Variants in NHLRC2 observed in about 807,000 individuals in gnomAD.
The protein encoded by NHLRC2 is NHL repeat containing 2.
Under a neutral mutation model 68.1 loss-of-function variants are expected in NHLRC2, and 33 were observed. The ratio of observed to expected loss-of-function variants is 0.48; its 90% CI spans 0.37 to 0.65. NHLRC2 has a LOEUF of 0.65. Ranked by LOEUF, NHLRC2 falls within the 30% of genes least tolerant of loss-of-function variation. The pLI is 0.00. For missense variants in NHLRC2, 761 were observed against 853.8 expected (o/e 0.89, Z 1.35); for synonymous variants, 311 against 309.6 (o/e 1.00, Z -0.05).
chr10:113,868,895 C>T (rs954539093), intron 2 of NHLRC2, among the ~76,000 whole-genome samples: 15 of 152,066 alleles, frequency 9.9e-5, no homozygotes, highest in Non-Finnish European at 1.8e-4. Flanking sequence ...TATGCCAACC[C>T]TATAAAGCAA....
intron 5 of NHLRC2, among the ~76,000 whole-genome samples, chr10:113,889,041 G>C (rs1846106746): frequency 6.6e-6 from 1 of 152,054 alleles, no homozygotes; most frequent in Admixed American, 6.6e-5. Flanking sequence ...TGGCCAGGCT[G>C]TTCTCTAACT....
At chr10:113,855,110 C>A (rs17235031) in intron 1 of NHLRC2, 60 bp downstream of exon 1, 26 of 1,419,088 alleles carry the variant, frequency 1.8e-5, no homozygotes, top group Non-Finnish European at 1.9e-5. Context: ...TCGGGGACGG[C>A]GCCCTCCCGC....
chr10:113,905,816 A>G (rs548921510), intron 10 of NHLRC2, among the ~76,000 whole-genome samples: 1 of 152,266 alleles, frequency 6.6e-6, no homozygotes, highest in Admixed American at 6.5e-5. Flanking sequence ...GCCTGCAATT[A>G]TAATATCAAC....
At chr10:113,861,695 T>A (rs1845817900) in intron 2 of NHLRC2, among the ~76,000 whole-genome samples, 1 of 152,054 alleles carries the variant, frequency 6.6e-6, no homozygotes, top group African/African-American at 2.4e-5. Context: ...AGACAATAAT[T>A]CAAAGCCAGT....
chr10:113,872,082 G>C (rs1371866024), intron 2 of NHLRC2, among the ~76,000 whole-genome samples: 1 of 152,038 alleles, frequency 6.6e-6, no homozygotes, highest in Non-Finnish European at 1.5e-5. Flanking sequence ...CTGAACACAG[G>C]TTTGGACATA....
intron 2 of NHLRC2, among the ~76,000 whole-genome samples, chr10:113,870,290 A>C (rs1845909765): frequency 1.3e-5 from 2 of 152,214 alleles, no homozygotes; most frequent in Admixed American, 6.5e-5. Flanking sequence ...AGGATGAAAC[A>C]GATATTCATT....
chr10:113,896,069 G>A (rs367762224), intron 5 of NHLRC2, among the ~76,000 whole-genome samples: 1 of 152,116 alleles, frequency 6.6e-6, no homozygotes, highest in Non-Finnish European at 1.5e-5. Context: ...CTGTTGGTGG[G>A]ACTGTAAACT....
intron 2 of NHLRC2, among the ~76,000 whole-genome samples, chr10:113,864,279 C>T (rs1469276418): frequency 1.3e-5 from 2 of 152,026 alleles, no homozygotes; most frequent in African/African-American, 2.4e-5. Flanking sequence ...TTCAGTTTTG[C>T]GAGATGAAAT....
chr10:113,902,729 C>G (rs577242045), intron 8 of NHLRC2, 136 bp downstream of exon 8: 18 of 737,736 alleles, frequency 2.4e-5, no homozygotes, highest in Admixed American at 1.2e-4. Flanking sequence ...TATAACCCAG[C>G]CTGTTCTGCT....
At chr10:113,884,571 T>A (rs1403947282) in intron 5 of NHLRC2, among the ~76,000 whole-genome samples, 191 bp downstream of exon 5, 1 of 151,208 alleles carries the variant, frequency 6.6e-6, no homozygotes, top group Non-Finnish European at 1.5e-5. Context: ...TACTAGAGTA[T>A]GTATTATATA....
At position 113,864,447 on chromosome 10, in the gene NHLRC2, C is replaced by T. The variant is rs377455688; in HGVS notation, c.331+5767C>T. On this transcript the variant is annotated intron_variant, in intron 2 of 10. Coordinates refer to ENST00000369301, the MANE Select transcript of NHLRC2 (RefSeq NM_198514.4). ...AGGCGTGGTGTCTCACGCCTATAAT[C>T]CCAGCACTTTGGGAGGCCAAGGCAG... is the stretch of plus-strand genomic sequence containing the variant. 3.6e-4 allele frequency among the ~76,000 whole-genome samples: 55 copies of T among 152,212 alleles called. 1 individual carries two copies. The highest frequency in any genetic ancestry group is 1.3e-3 in the African/African-American group (53 of 41,524).
At chr10:113,905,782 A>C (rs1846270362) in intron 10 of NHLRC2, among the ~76,000 whole-genome samples, 1 of 151,878 alleles carries the variant, frequency 6.6e-6, no homozygotes, top group Non-Finnish European at 1.5e-5. Flanking sequence ...CTTACCTTCA[A>C]CTTTCTCAGG....
At chr10:113,855,140 GT>G in intron 1 of NHLRC2, 90 bp downstream of exon 1, 1 of 1,203,140 alleles carries the variant, frequency 8.3e-7, no homozygotes. Flanking sequence ...GGCTAGGCGG[GT>G]TTGTGCCGCT....
intron 2 of NHLRC2, among the ~76,000 whole-genome samples, chr10:113,866,490 G>A (rs967674159): frequency 1.3e-5 from 2 of 152,042 alleles, no homozygotes; most frequent in Non-Finnish European, 2.9e-5. Flanking sequence ...TATTAGGAAA[G>A]CCTTGTGTAT....
chr10:113,856,236 G>A (rs1282842193), intron 1 of NHLRC2, among the ~76,000 whole-genome samples: 1 of 152,120 alleles, frequency 6.6e-6, no homozygotes, highest in Non-Finnish European at 1.5e-5. Flanking sequence ...TTGCCTGATG[G>A]TGCTGGCATG....
chr10:113,913,443 T>A lies in NHLRC2; in HGVS notation c.*4907T>A, dbSNP rs1250139592. The stretch of plus-strand genomic sequence containing the variant: ...TTGTCAAAAGATTTTATGTACTACT[T>A]TTTCTTAATTTCAGATATTATCCAG... On this transcript the variant is annotated 3_prime_UTR_variant, in exon 11 of 11. Transcript: ENST00000369301. 1 of 152,218 alleles carries A rather than the reference T, an allele frequency of 6.6e-6. No homozygotes were observed. The highest frequency in any genetic ancestry group is 1.5e-5 in the Non-Finnish European group (1 of 68,038). The allele number at this position is 152,218 out of a possible 1,614,324, so 9.4% of individuals were successfully genotyped here. A position where few individuals can be genotyped will look rare whatever the true frequency, so the allele number is the denominator to read the frequency against.
chr10:113,883,900 T>C (rs572423317), intron 4 of NHLRC2, among the ~76,000 whole-genome samples: 2 of 152,074 alleles, frequency 1.3e-5, no homozygotes, highest in South Asian at 2.1e-4. Context: ...AACTGAAATA[T>C]GTGCATTTAA....
rs753177664 is a variant in NHLRC2 at position 113,904,982 on chromosome 10, T to C, written c.1870T>C (p.Ser624Pro). The C allele has an allele frequency of 1.9e-6, 3 of 1,555,586 alleles. No homozygotes were observed. Among genetic ancestry groups the C allele is most frequent in the Non-Finnish European group, 1.7e-6 (2 of 1,155,544 alleles). Residue 624 changes from serine (S) to proline (P), a missense_variant, in exon 10 of 11, where the codon TCA (serine) becomes CCA (proline). By Grantham distance (74) the Ser-to-Pro change is moderately conservative (BLOSUM62 -1). Transcript: ENST00000369301. ...GTTCAAACTCAGATTAGACCTCCCA[T>C]CAGGATCAAAGCTAACTGAAGGAGT... is the stretch of plus-strand genomic sequence containing the variant. ...LQFKLRLDLP[S>P]GSKLTEGVSS...
At chr10:113,890,232 C>A (rs1040141138) in intron 5 of NHLRC2, among the ~76,000 whole-genome samples, 2 of 152,160 alleles carry the variant, frequency 1.3e-5, no homozygotes, top group Admixed American at 6.5e-5. Flanking sequence ...TTATTCTGGT[C>A]TGAAAAAGTA....
Sources: gnomAD v4.1 joint callset for allele counts (sites outside exome capture counted in the v4.1 genomes callset) on GRCh38, gnomAD v4.1.1 for gene constraint, MANE v1.5 for transcripts, NCBI Gene and HGNC (gene_info 2026-07-23, HGNC 2026-07-21) for gene names.